COL8A1: variants seen among roughly 807,000 people sequenced by gnomAD.
The protein encoded by COL8A1 is collagen type VIII alpha 1 chain, also known as collagen alpha-1(VIII) chain.
COL8A1 carries 21 observed loss-of-function variants against 42.7 expected under a neutral mutation model. That is an observed-to-expected ratio of 0.49 (90% CI 0.35 to 0.71). The LOEUF (loss-of-function observed/expected upper bound fraction) is 0.71. COL8A1 is among the 30% of genes least tolerant of loss of function. The probability of loss-of-function intolerance (pLI) is 0.01; values close to 1 mark genes in which losing one functional copy is unlikely to be tolerated. For synonymous variants in COL8A1, 367 were observed against 369.1 expected, an observed-to-expected ratio of 0.99 and a Z score of 0.06; for missense variants, 788 against 962.4, an observed-to-expected ratio of 0.82 and a Z score of 2.40.
intron 1 of COL8A1, among the ~76,000 whole-genome samples, chr3:99,700,465 T>G (rs1939504775): frequency 6.6e-6 from 1 of 152,088 alleles, no homozygotes; most frequent in African/African-American, 2.4e-5. Flanking sequence ...TGGCCCCACT[T>G]GGTACGTGAA....
In COL8A1 at chr3:99,796,336, GA is replaced by G. The variant is rs745960373; in HGVS notation, c.*202del. ...ACTCCACACAGCAGCCTGTAATTGC[GA>G]ATGATGGGATAGAGTTATGTATCAA... On this transcript the variant is annotated 3_prime_UTR_variant, in exon 4 of 4. Coordinates refer to ENST00000652472, the MANE Select transcript of COL8A1 (RefSeq NM_020351.4). The G allele has an allele frequency of 2.0e-5, 9 of 459,098 alleles. No homozygotes were observed. Among genetic ancestry groups the G allele is most frequent in the Non-Finnish European group, 3.4e-5 (9 of 261,010 alleles). The allele number at this position is 459,098 out of a possible 1,614,324, so 28.4% of individuals were successfully genotyped here. A position where few individuals can be genotyped will look rare whatever the true frequency, so the allele number is the denominator to read the frequency against.
At chr3:99,654,697 A>T (rs1467757717) in intron 1 of COL8A1, among the ~76,000 whole-genome samples, 1 of 152,028 alleles carries the variant, frequency 6.6e-6, no homozygotes, top group Non-Finnish European at 1.5e-5. Context: ...CTGAAGTGGG[A>T]GGATCACTTT....
At chr3:99,730,203 G>A (rs772936744) in intron 1 of COL8A1, among the ~76,000 whole-genome samples, 5 of 152,042 alleles carry the variant, frequency 3.3e-5, no homozygotes, top group Non-Finnish European at 7.4e-5. Flanking sequence ...AAATGAGACT[G>A]TGCAGATAAC....
At chr3:99,754,516 A>G (rs1941215675) in intron 2 of COL8A1, among the ~76,000 whole-genome samples, 1 of 152,150 alleles carries the variant, frequency 6.6e-6, no homozygotes, top group African/African-American at 2.4e-5. Flanking sequence ...CATAAGTGCT[A>G]GCAGTAAACA....
chr3:99,728,698 C>A (rs1375519368), intron 1 of COL8A1, among the ~76,000 whole-genome samples: 2 of 151,766 alleles, frequency 1.3e-5, no homozygotes, highest in African/African-American at 4.8e-5. Context: ...ATCAATTATT[C>A]AATTAATTAA....
At chr3:99,651,960 T>A (rs188481837) in intron 1 of COL8A1, among the ~76,000 whole-genome samples, 2 of 152,356 alleles carry the variant, frequency 1.3e-5, no homozygotes, top group Admixed American at 1.3e-4. Context: ...GAAATAATTA[T>A]GGGTGTGTAT....
rs189953921 is a variant in COL8A1 at position 99,782,635 on chromosome 3, G to A, written c.-3-8045G>A. Among the ~76,000 whole-genome samples the A allele has an allele frequency of 3.5e-3, 533 of 152,086 alleles. 4 individuals are homozygous for A. The highest frequency in any genetic ancestry group is 0.011 in the African/African-American group (464 of 41,506). Reference sequence around the variant, plus strand: ...TCGAACACCTGACCTCAGGTGATCCGCCCGCCTCAGCCTCTCAAAGTGCTA... The same window carrying A: ...TCGAACACCTGACCTCAGGTGATCCACCCGCCTCAGCCTCTCAAAGTGCTA... On this transcript the variant is annotated intron_variant, in intron 2 of 3. Coordinates refer to ENST00000652472, the MANE Select transcript of COL8A1 (RefSeq NM_020351.4).
intron 1 of COL8A1, among the ~76,000 whole-genome samples, chr3:99,712,003 AG>A (rs1401076572): frequency 6.6e-6 from 1 of 152,152 alleles, no homozygotes; most frequent in Non-Finnish European, 1.5e-5. Context: ...TGAGCCTTTC[AG>A]GGTTTTGTTG....
chr3:99,773,833 A>AT (rs1267329766), intron 2 of COL8A1, among the ~76,000 whole-genome samples: 145 of 71,626 alleles, frequency 2.0e-3, no homozygotes, highest in African/African-American at 7.8e-3. Context: ...ATATATATAT[A>AT]TATATTTTTT....
At chr3:99,657,293 T>A (rs577214294) in intron 1 of COL8A1, among the ~76,000 whole-genome samples, 1 of 152,226 alleles carries the variant, frequency 6.6e-6, no homozygotes, top group Non-Finnish European at 1.5e-5. Context: ...GTGACTCTAG[T>A]GTACTAAGGG....
chr3:99,719,676 G>A (rs1408143281), intron 1 of COL8A1, among the ~76,000 whole-genome samples: 1 of 152,072 alleles, frequency 6.6e-6, no homozygotes, highest in Non-Finnish European at 1.5e-5. Context: ...GCAAATCAGA[G>A]GTAACAATGT....
intron 1 of COL8A1, among the ~76,000 whole-genome samples, chr3:99,676,958 C>T (rs536793604): frequency 3.9e-5 from 6 of 151,958 alleles, no homozygotes; most frequent in African/African-American, 1.4e-4. Context: ...TGGCTTACAC[C>T]TGTAATGCCA....
At chr3:99,655,592 T>C (rs1377340974) in intron 1 of COL8A1, among the ~76,000 whole-genome samples, 1 of 152,214 alleles carries the variant, frequency 6.6e-6, no homozygotes, top group African/African-American at 2.4e-5. Flanking sequence ...AAGTTGAGTT[T>C]TAGAAGTAAA....
chr3:99,728,403 A>G (rs999818896), intron 1 of COL8A1, among the ~76,000 whole-genome samples: 8 of 151,958 alleles, frequency 5.3e-5, no homozygotes, highest in Non-Finnish European at 7.4e-5. Flanking sequence ...TCCTCCTACC[A>G]TGGTCTAGAT....
intron 2 of COL8A1, among the ~76,000 whole-genome samples, chr3:99,767,162 A>T (rs1941480513): frequency 6.6e-6 from 1 of 152,196 alleles, no homozygotes; most frequent in African/African-American, 2.4e-5. Context: ...TATGAGTTTG[A>T]TCCTACGGCT....
At chr3:99,772,069 G>C (rs537051556) in intron 2 of COL8A1, among the ~76,000 whole-genome samples, 24 of 152,252 alleles carry the variant, frequency 1.6e-4, no homozygotes, top group Non-Finnish European at 3.1e-4. Flanking sequence ...CAGAATTCCA[G>C]GAAGCCCAAA....
chr3:99,696,976 A>ATTTTTTTTTTT (rs34865022), intron 1 of COL8A1, among the ~76,000 whole-genome samples: 1 of 88,016 alleles, frequency 1.1e-5, no homozygotes, highest in Non-Finnish European at 2.1e-5. Context: ...ATATACACAA[A>ATTTTTTTTTTT]TTTTTTTTTT....
Position 99,761,459 on chromosome 3 carries a change from G to A in COL8A1, c.-4+16438G>A, listed in dbSNP as rs544544757. 2.0e-5 allele frequency among the ~76,000 whole-genome samples: 3 copies of A among 152,294 alleles called. No homozygotes were observed. The South Asian group carries it at 6.2e-4, about 32-fold the overall frequency. On this transcript the variant is annotated intron_variant, in intron 2 of 3. Coordinates refer to ENST00000652472, the MANE Select transcript of COL8A1 (RefSeq NM_020351.4). ...CCAGCTGATTCTCGGAGTTGAAATT[G>A]AAATGGAAAGAATCAGATTTCTAAG...
chr3:99,658,659 T>C (rs946649645), intron 1 of COL8A1, among the ~76,000 whole-genome samples: 2 of 152,154 alleles, frequency 1.3e-5, no homozygotes, highest in Non-Finnish European at 2.9e-5. Context: ...CAAATGATAT[T>C]CAGAGAAGCA....
Sources: allele counts gnomAD v4.1 joint callset (sites outside exome capture counted in the v4.1 genomes callset), GRCh38; gene constraint gnomAD v4.1.1; transcripts MANE v1.5; gene names NCBI Gene and HGNC (gene_info 2026-07-23, HGNC 2026-07-21).